CTSC: variants seen among roughly 807,000 people sequenced by gnomAD.
CTSC encodes the protein cathepsin C.
CTSC carries 37 observed loss-of-function variants against 40.9 expected under a neutral mutation model. That is an observed-to-expected ratio of 0.91 (90% CI 0.70 to 1.19). The LOEUF is 1.19. Among genes scored for constraint, CTSC ranks in the 50% most tolerant of loss-of-function variants. The pLI is 0.00. For missense variants in CTSC, 594 were observed against 567.3 expected, an observed-to-expected ratio of 1.05 and a Z score of -0.48; for synonymous variants, 232 against 207.4, an observed-to-expected ratio of 1.12 and a Z score of -1.02.
intron 2 of CTSC, among the ~76,000 whole-genome samples, chr11:88,330,740 T>C (rs1299562296): frequency 6.6e-6 from 1 of 152,190 alleles, no homozygotes; most frequent in Non-Finnish European, 1.5e-5. Context: ...CTTCCAAACT[T>C]TTATCTAGCT....
chr11:88,330,168 T>C (rs941967446), intron 2 of CTSC, among the ~76,000 whole-genome samples: 3 of 152,222 alleles, frequency 2.0e-5, no homozygotes, highest in African/African-American at 7.2e-5. Context: ...AAAGGAAATT[T>C]GAATTTGAAT....
At chr11:88,329,922 T>G (rs1938304807) in intron 2 of CTSC, among the ~76,000 whole-genome samples, 1 of 152,204 alleles carries the variant, frequency 6.6e-6, no homozygotes, top group Non-Finnish European at 1.5e-5. Context: ...AGATGAGGTT[T>G]CACCACGTTG....
chr11:88,306,283 G>A (rs1273044847), intron 4 of CTSC, among the ~76,000 whole-genome samples: 2 of 152,138 alleles, frequency 1.3e-5, no homozygotes, highest in African/African-American at 4.8e-5. Flanking sequence ...AGTTAGTAAT[G>A]TTGATATGGA....
intron 2 of CTSC, chr11:88,324,005 A>C (rs1938107346): frequency 1.3e-5 from 2 of 152,140 alleles, no homozygotes; most frequent in Admixed American, 6.6e-5. Flanking sequence ...GCTATCTTTC[A>C]TACTATACTA....
chr11:88,295,522 A>G (rs1219585114), intron 6 of CTSC, among the ~76,000 whole-genome samples: 1 of 151,922 alleles, frequency 6.6e-6, no homozygotes, highest in Admixed American at 6.6e-5. Flanking sequence ...TGGGACTACA[A>G]GCACACACCA....
intron 4 of CTSC, among the ~76,000 whole-genome samples, chr11:88,301,418 C>T (rs187670683): frequency 6.6e-6 from 1 of 152,250 alleles, no homozygotes; most frequent in Non-Finnish European, 1.5e-5. Context: ...AATTCTGTAA[C>T]CAGGGCCTTG....
chr11:88,317,315 T>A (rs1381698151), intron 2 of CTSC, among the ~76,000 whole-genome samples: 1 of 152,236 alleles, frequency 6.6e-6, no homozygotes, highest in Non-Finnish European at 1.5e-5. Flanking sequence ...GACACACTAT[T>A]TATATGAGTA....
At chr11:88,334,822 G>A (rs771112382) in intron 2 of CTSC, 115 bp downstream of exon 2, 4 of 776,932 alleles carry the variant, frequency 5.1e-6, no homozygotes, top group Non-Finnish European at 9.0e-6. Context: ...GAAGAGTGGT[G>A]TCAATTCCGG....
At chr11:88,302,924 C>T (rs1024469914) in intron 4 of CTSC, among the ~76,000 whole-genome samples, 1 of 152,056 alleles carries the variant, frequency 6.6e-6, no homozygotes, top group Non-Finnish European at 1.5e-5. Flanking sequence ...CTATAAAACA[C>T]ACAATTTGGA....
chr11:88,328,287 A>G (rs1182901075), intron 2 of CTSC: 20 of 881,522 alleles, frequency 2.3e-5, no homozygotes, highest in Non-Finnish European at 3.4e-5. Context: ...GCAGGCACTC[A>G]GTGCTAAACT....
intron 4 of CTSC, among the ~76,000 whole-genome samples, chr11:88,302,923 A>G (rs2134774900): frequency 6.6e-6 from 1 of 152,250 alleles, no homozygotes; most frequent in East Asian, 1.9e-4. Context: ...GCTATAAAAC[A>G]CACAATTTGG....
At chr11:88,296,925 T>C (rs913225428) in intron 5 of CTSC, 3 of 155,190 alleles carry the variant, frequency 1.9e-5, no homozygotes, top group South Asian at 2.0e-4. Flanking sequence ...GACCATATTG[T>C]ACACTGTTTT....
At chr11:88,309,402 CTAAGTGG>C in intron 3 of CTSC, 84 bp from the exon 4 acceptor site, 1 of 1,195,380 alleles carries the variant, frequency 8.4e-7, no homozygotes, top group Non-Finnish European at 1.2e-6. Context: ...CACTCTGTGC[CTAAGTGG>C]AAAGTGGTAC....
chr11:88,309,556 A>G (rs1256959908), intron 3 of CTSC, among the ~76,000 whole-genome samples: 2 of 152,172 alleles, frequency 1.3e-5, no homozygotes, highest in Non-Finnish European at 2.9e-5. Context: ...AACTACTAAT[A>G]GATTGTAAAT....
Position 88,296,246 on chromosome 11 carries a change from T to C in CTSC, c.776A>G (p.Tyr259Cys). 6.2e-7 allele frequency: 1 copy of C among 1,613,868 alleles called. No individual in the cohort carries two copies. The highest frequency in any genetic ancestry group is 8.5e-7 in the Non-Finnish European group (1 of 1,179,906). ...VRNQASCGSC[Y>C]SFASMGMLEA... ...TAGCATACCCATAGAAGCAAATGAG[T>C]AGCAGCTGCCACAGGATGCTGGCGA... Residue 259 changes from tyrosine (Y) to cysteine (C), a missense_variant, in exon 6 of 7, where the codon TAC becomes TGC. Physicochemically the swap from Tyr to Cys is radical, Grantham distance 194. Coordinates refer to ENST00000227266, the MANE Select transcript of CTSC (RefSeq NM_001814.6).
chr11:88,311,612 T>G (rs1319280984), intron 3 of CTSC, among the ~76,000 whole-genome samples: 1 of 152,236 alleles, frequency 6.6e-6, no homozygotes, highest in Non-Finnish European at 1.5e-5. Flanking sequence ...GTCTGAATTG[T>G]GTCCCCCTCA....
intron 3 of CTSC, among the ~76,000 whole-genome samples, chr11:88,310,958 A>T (rs1481146972): frequency 6.6e-6 from 1 of 152,194 alleles, no homozygotes; most frequent in East Asian, 1.9e-4. Context: ...ATGTGCATTA[A>T]AATAATGACA....
intron 2 of CTSC, among the ~76,000 whole-genome samples, chr11:88,332,649 A>G (rs921472106): frequency 6.6e-6 from 1 of 152,176 alleles, no homozygotes; most frequent in African/African-American, 2.4e-5. Context: ...ATTATATTCT[A>G]CTCTGCCTAA....
At chr11:88,297,416 C>G (rs1944310794) in intron 5 of CTSC, 1 of 152,018 alleles carries the variant, frequency 6.6e-6, no homozygotes, top group African/African-American at 2.4e-5. Context: ...TCTTGTTTTG[C>G]CCCTCATTAG....
Sources: allele counts gnomAD v4.1 joint callset (sites outside exome capture counted in the v4.1 genomes callset), GRCh38; gene constraint gnomAD v4.1.1; transcripts MANE v1.5; gene names NCBI Gene and HGNC (gene_info 2026-07-23, HGNC 2026-07-21).